Variants in LMBR1 observed in about 807,000 individuals in gnomAD.
LMBR1 encodes limb region 1 protein homolog.
A neutral mutation model predicts 73.9 loss-of-function variants in LMBR1; 52 were observed. That is an observed-to-expected ratio of 0.70 (90% CI 0.56 to 0.89). The LOEUF (loss-of-function observed/expected upper bound fraction) is 0.89, where lower values mean the gene tolerates loss of function less well. LMBR1 is among the 40% of genes least tolerant of loss of function. LMBR1 has a pLI of 0.00. For synonymous variants in LMBR1, 215 were observed against 209.4 expected, an observed-to-expected ratio of 1.03 and a Z score of -0.23; for missense variants, 539 against 579.8, an observed-to-expected ratio of 0.93 and a Z score of 0.72.
At position 156,681,665 on chromosome 7, in the gene LMBR1, G is replaced by A. The variant is rs1358978435; in HGVS notation, c.*2413C>T. 6.6e-6 allele frequency: 1 copy of A among 152,358 alleles called. No individual in the cohort carries two copies. The highest frequency in any genetic ancestry group is 2.4e-5 in the African/African-American group (1 of 41,458). 9.4% of individuals were successfully genotyped at this position (152,358 alleles called of 1,614,324 possible). On this transcript the variant is annotated 3_prime_UTR_variant, in exon 17 of 17. Coordinates refer to ENST00000353442, the MANE Select transcript of LMBR1 (RefSeq NM_022458.4). ...AGAGAATAAAAGGACTGCTTGATGT[G>A]ACAGTCACTGGTGCATCCCTATCCA... is the stretch of plus-strand genomic sequence containing the variant.
chr7:156,858,037 TAGAAAAAAAAAGAGCAAAG>T lies in LMBR1; in HGVS notation c.67-21171_67-21153del, dbSNP rs1563549337. ...AATAAGCTTCTACACCTTAGGAAAC[TAGAAAAAAAAAGAGCAAAG>T]TAATTCCAAAGTAAGCAAAAAAAAA... On this transcript the variant is annotated intron_variant, in intron 1 of 16. Transcript: ENST00000353442. 1.4e-3 allele frequency among the ~76,000 whole-genome samples: 48 copies of T among 35,166 alleles called. 1 individual carries two copies. In the East Asian group the frequency reaches 0.025, roughly 19 times the overall value. 23.1% of individuals were successfully genotyped at this position (35,166 alleles called of 152,430 possible).
chr7:156,850,431 A>G (rs1796078541), intron 1 of LMBR1, among the ~76,000 whole-genome samples: 1 of 152,206 alleles, frequency 6.6e-6, no homozygotes, highest in Non-Finnish European at 1.5e-5. Flanking sequence ...ATTAAATTCA[A>G]TGTCCTATAT....
chr7:156,799,010 G>A (rs1219057920), intron 4 of LMBR1, among the ~76,000 whole-genome samples: 2 of 151,358 alleles, frequency 1.3e-5, no homozygotes, highest in Non-Finnish European at 2.9e-5. Flanking sequence ...TGGCCAGCAT[G>A]GTGAAACCCT....
At chr7:156,802,500 G>C (rs972938933) in intron 4 of LMBR1, among the ~76,000 whole-genome samples, 1 of 152,014 alleles carries the variant, frequency 6.6e-6, no homozygotes, top group Non-Finnish European at 1.5e-5. Flanking sequence ...TCAGGAAAAA[G>C]GTCACAGGCT....
In LMBR1 at chr7:156,680,378, G is replaced by GAGAGAGAGAC. The variant is rs1554456512; in HGVS notation, c.*3699_*3700insGTCTCTCTCT. The GAGAGAGAGAC allele has an allele frequency of 7.4e-6, 1 of 134,952 alleles. No homozygotes were observed. Among genetic ancestry groups the GAGAGAGAGAC allele is most frequent in the African/African-American group, 2.9e-5 (1 of 33,980 alleles). The allele number at this position is 134,952 out of a possible 1,614,324, so 8.4% of individuals were successfully genotyped here. On this transcript the variant is annotated 3_prime_UTR_variant, in exon 17 of 17. Transcript: ENST00000353442. ...TTTGCTTATACGTATCTGAGAGACA[G>GAGAGAGAGAC]AGAGAGAGAGAGAGAGAGAGAGAGA...
At chr7:156,733,012 G>T (rs1817146433) in intron 10 of LMBR1, among the ~76,000 whole-genome samples, 1 of 152,152 alleles carries the variant, frequency 6.6e-6, no homozygotes, top group Non-Finnish European at 1.5e-5. Context: ...AGCTGTGGTG[G>T]CATGCACCTG....
chr7:156,852,884 A>G (rs1220499079), intron 1 of LMBR1, among the ~76,000 whole-genome samples: 1 of 152,200 alleles, frequency 6.6e-6, no homozygotes, highest in Non-Finnish European at 1.5e-5. Context: ...AGTACAGAAG[A>G]TAAGCACAGA....
intron 4 of LMBR1, among the ~76,000 whole-genome samples, chr7:156,801,498 T>C (rs11769328): frequency 0.11 from 16,082 of 152,196 alleles, 1,144 homozygotes; most frequent in East Asian, 0.29. Context: ...AACCCTGCAG[T>C]ATCTCCAAGG....
At chr7:156,722,496 T>C (rs1274430220) in intron 15 of LMBR1, among the ~76,000 whole-genome samples, 8 of 152,170 alleles carry the variant, frequency 5.3e-5, no homozygotes, top group Admixed American at 1.3e-4. Flanking sequence ...GTCTAGAAAT[T>C]TGCTTTTTTA....
chr7:156,759,280 A>G (rs977511790), intron 8 of LMBR1, among the ~76,000 whole-genome samples: 6 of 152,246 alleles, frequency 3.9e-5, no homozygotes, highest in African/African-American at 1.4e-4. Flanking sequence ...CAATTAGAGG[A>G]AACTGTAAGC....
In LMBR1 at chr7:156,800,515, T is replaced by G. The variant is rs1830780702; in HGVS notation, c.320-4023A>C. Among the ~76,000 whole-genome samples, 3 of 129,410 alleles carry G rather than the reference T, an allele frequency of 2.3e-5. No individual in the cohort carries two copies. The Admixed American group carries it at 2.4e-4, about 10-fold the overall frequency. 84.9% of individuals were successfully genotyped at this position (129,410 alleles called of 152,430 possible). ...AAAAAAAAAAAGATTTTCAAAATACTACTGCTCATTGACAATGCACCTGCT... is the reference window on the plus strand; with the variant it reads ...AAAAAAAAAAAGATTTTCAAAATACGACTGCTCATTGACAATGCACCTGCT... On this transcript the variant is annotated intron_variant, in intron 4 of 16. Transcript: ENST00000353442.
intron 15 of LMBR1, among the ~76,000 whole-genome samples, chr7:156,691,565 T>A (rs1485077216): frequency 1.3e-5 from 2 of 152,178 alleles, no homozygotes; most frequent in Non-Finnish European, 2.9e-5. Flanking sequence ...AGCTTATTCA[T>A]CTTCCTAAAG....
chr7:156,799,193 C>T (rs1830532468), intron 4 of LMBR1, among the ~76,000 whole-genome samples: 1 of 149,310 alleles, frequency 6.7e-6, no homozygotes, highest in Admixed American at 6.7e-5. Flanking sequence ...CAGAGCGAGA[C>T]TCCATCTCAA....
At chr7:156,752,273 G>A (rs1021935914) in intron 9 of LMBR1, among the ~76,000 whole-genome samples, 1 of 152,238 alleles carries the variant, frequency 6.6e-6, no homozygotes. Flanking sequence ...CACAACTCTT[G>A]TGAGCTTTGC....
chr7:156,737,477 C>T (rs1430795518), intron 9 of LMBR1, among the ~76,000 whole-genome samples: 1 of 152,106 alleles, frequency 6.6e-6, no homozygotes, highest in East Asian at 1.9e-4. Context: ...TCCTTTAGAT[C>T]TGGGAAATCT....
chr7:156,670,326 A>C lies in LMBR1; in HGVS notation n.867-1039T>G, dbSNP rs927624740. On this transcript the variant is annotated intron_variant and non_coding_transcript_variant, in intron 4 of 4. Coordinates refer to the LMBR1 transcript ENST00000430825. The surrounding 1 kb of genome is among the most constrained non-coding windows in gnomAD (Gnocchi z 4.3). ...GTCAGGCCCTGCCTTCAGCTCACTGAGGAGTCAGGTCTGCAAGGGGGGCCC... is the reference window on the plus strand; with the variant it reads ...GTCAGGCCCTGCCTTCAGCTCACTGCGGAGTCAGGTCTGCAAGGGGGGCCC... Among the ~76,000 whole-genome samples the C allele has an allele frequency of 6.6e-6, 1 of 152,182 alleles. No individual in the cohort carries two copies. The highest frequency in any genetic ancestry group is 2.4e-5 in the African/African-American group (1 of 41,438).
intron 4 of LMBR1, among the ~76,000 whole-genome samples, chr7:156,816,040 T>C (rs1276170178): frequency 6.6e-6 from 1 of 151,832 alleles, no homozygotes; most frequent in African/African-American, 2.4e-5. Flanking sequence ...AAAATTCAAA[T>C]TCTTCTCTAG....
intron 8 of LMBR1, among the ~76,000 whole-genome samples, chr7:156,758,161 AG>A (rs1822262016): frequency 6.6e-6 from 1 of 152,132 alleles, no homozygotes; most frequent in South Asian, 2.1e-4. Context: ...GTACACGGAG[AG>A]GATCTCCTGG....
intron 15 of LMBR1, among the ~76,000 whole-genome samples, chr7:156,701,039 C>G (rs544443903): frequency 9.2e-5 from 14 of 152,284 alleles, no homozygotes; most frequent in African/African-American, 2.9e-4. Context: ...ATGAGATTTA[C>G]TATTATGAAA....
Sources: gnomAD v4.1 joint callset for allele counts (sites outside exome capture counted in the v4.1 genomes callset) on GRCh38, gnomAD v4.1.1 for gene constraint, Gnocchi (gnomAD v3.1) non-coding constraint, MANE v1.5 for transcripts, NCBI Gene and HGNC (gene_info 2026-07-23, HGNC 2026-07-21) for gene names.